SORL1: variants seen among roughly 807,000 people sequenced by gnomAD.
SORL1 encodes the protein sortilin related receptor 1, also known as sortilin-related receptor.
A neutral mutation model predicts 273.7 loss-of-function variants in SORL1; 127 were observed. The ratio of observed to expected loss-of-function variants is 0.46; its 90% CI spans 0.40 to 0.54. The LOEUF is 0.54. Among genes scored for constraint, SORL1 ranks in the 20% least tolerant of loss-of-function variants. SORL1 has a pLI of 0.00. For missense variants in SORL1, 2,494 were observed against 2,846.1 expected, an observed-to-expected ratio of 0.88 and a Z score of 2.81; for synonymous variants, 1,031 against 1,067.4, an observed-to-expected ratio of 0.97 and a Z score of 0.66.
chr11:121,464,906 G>T (rs1309031440), intron 1 of SORL1, among the ~76,000 whole-genome samples: 1 of 152,168 alleles, frequency 6.6e-6, no homozygotes, highest in African/African-American at 2.4e-5. Context: ...TAGCATGAGG[G>T]CTTGAGATGA....
chr11:121,556,326 C>T (rs1311379899), intron 18 of SORL1, among the ~76,000 whole-genome samples: 2 of 152,080 alleles, frequency 1.3e-5, no homozygotes, highest in Non-Finnish European at 1.5e-5. Context: ...AGTGTGATTG[C>T]GCTTTTGGAG....
In SORL1 at chr11:121,452,432, G is replaced by T; in HGVS notation, c.101G>T (p.Arg34Met). ...PGALCEVWTQ[R>M]LHGGSAPLPQ... ...GCTCTCTGCGAAGTCTGGACGCAGA[G>T]GCTGCACGGCGGCAGCGCGCCCTTG... The change falls in exon 1 of 48, where the codon AGG becomes ATG. Residue 34 changes from arginine to methionine, a missense_variant. Transcript: ENST00000260197. The surrounding 1 kb of genome is among the most constrained non-coding windows in gnomAD (Gnocchi z 5.3). The T allele has an allele frequency of 6.6e-7, 1 of 1,506,752 alleles. No individual in the cohort carries two copies. The allele number at this position is 1,506,752 out of a possible 1,614,324, so 93.3% of individuals were successfully genotyped here. A position where few individuals can be genotyped will look rare whatever the true frequency, so the allele number is the denominator to read the frequency against.
At chr11:121,497,161 G>T in intron 6 of SORL1, 112 bp downstream of exon 6, 1 of 869,968 alleles carries the variant, frequency 1.1e-6, no homozygotes, top group Non-Finnish European at 1.8e-6. Flanking sequence ...GGATGTGCTT[G>T]GGACAGATTG....
intron 38 of SORL1, 52 bp from the exon 39 acceptor site, chr11:121,611,024 T>G: frequency 8.1e-7 from 1 of 1,241,384 alleles, no homozygotes; most frequent in Non-Finnish European, 1.2e-6. Context: ...AGTCCTGCCT[T>G]CCTCACTTTT....
intron 40 of SORL1, 32 bp downstream of exon 40, chr11:121,612,864 A>C: frequency 6.7e-7 from 1 of 1,503,570 alleles, no homozygotes; most frequent in Non-Finnish European, 9.3e-7. Flanking sequence ...GTGTGTGTGC[A>C]GGAAGGGGTA....
intron 44 of SORL1, 35 bp from the exon 45 acceptor site, chr11:121,622,127 C>A (rs1316098069): frequency 8.8e-7 from 1 of 1,133,872 alleles, no homozygotes; most frequent in South Asian, 1.2e-5. Context: ...AATGTATATC[C>A]ACTAACCGCA....
chr11:121,566,160 A>G (rs1206041583), intron 21 of SORL1, among the ~76,000 whole-genome samples: 3 of 152,112 alleles, frequency 2.0e-5, no homozygotes, highest in Non-Finnish European at 4.4e-5. Context: ...GGAATGAATA[A>G]AGGAGCCCAA....
At chr11:121,575,309 A>G (rs1862911481) in intron 24 of SORL1, among the ~76,000 whole-genome samples, 1 of 152,244 alleles carries the variant, frequency 6.6e-6, no homozygotes, top group South Asian at 2.1e-4. Context: ...CCCTGGTCCC[A>G]GACTCATAGT....
Position 121,588,115 on chromosome 11 carries a change from G to T in SORL1, c.3910G>T (p.Asp1304Tyr). 2 of 1,613,792 alleles carry T rather than the reference G, an allele frequency of 1.2e-6. No homozygotes were observed. Among genetic ancestry groups the T allele is most frequent in the South Asian group, 2.2e-5 (2 of 91,040 alleles). ...CTGTGACGGAATCATCCAGTGCCGC[G>T]ACGGGTCCGATGAGGATGCGGCGTT... ...MVCDGIIQCR[D>Y]GSDEDAAFAG... The change falls in exon 28 of 48, where the codon GAC (aspartate) becomes TAC (tyrosine). Residue 1304 changes from aspartate to tyrosine, a missense_variant. By Grantham distance (160) the Asp-to-Tyr change is radical. Coordinates refer to ENST00000260197, the MANE Select transcript of SORL1 (RefSeq NM_003105.6).
Position 121,631,790 on chromosome 11 carries a change from C to G in SORL1, c.*2227C>G, listed in dbSNP as rs900920889. 6 of 152,258 alleles carry G rather than the reference C, an allele frequency of 3.9e-5. No homozygotes were observed. Among genetic ancestry groups the G allele is most frequent in the African/African-American group, 7.2e-5 (3 of 41,542 alleles). 9.4% of individuals were successfully genotyped at this position (152,258 alleles called of 1,614,324 possible). A position where few individuals can be genotyped will look rare whatever the true frequency, so the allele number is the denominator to read the frequency against. On this transcript the variant is annotated 3_prime_UTR_variant, in exon 48 of 48. Transcript: ENST00000260197. ...CACTGTGCTGTTTGAAAAAAAGCAGCCTTTTAGGGCTAGAGTATTTTATAT... is the reference window on the plus strand; with the variant it reads ...CACTGTGCTGTTTGAAAAAAAGCAGGCTTTTAGGGCTAGAGTATTTTATAT...
chr11:121,618,413 C>T (rs140245226), intron 41 of SORL1, among the ~76,000 whole-genome samples: 6 of 152,276 alleles, frequency 3.9e-5, no homozygotes, highest in African/African-American at 1.4e-4. Context: ...GGTAGAATGA[C>T]ACCCCCTCTT....
At position 121,554,650 on chromosome 11, in the gene SORL1, A is replaced by C. The variant is rs554914604; in HGVS notation, c.2440-537A>C. Among the ~76,000 whole-genome samples the C allele has an allele frequency of 6.6e-6, 1 of 152,358 alleles. No individual in the cohort carries two copies. Among genetic ancestry groups the C allele is most frequent in the Non-Finnish European group, 1.5e-5 (1 of 68,028 alleles). ...GTCTACTTAATCCTTTTAGAAAAGC[A>C]ATTCCAACAAATTTTTATCTAGATT... On this transcript the variant is annotated intron_variant, in intron 17 of 47. Transcript: ENST00000260197. The surrounding 1 kb of genome is among the most constrained non-coding windows in gnomAD (Gnocchi z 4.6).
At chr11:121,533,262 C>G (rs1862227290) in intron 12 of SORL1, among the ~76,000 whole-genome samples, 1 of 152,084 alleles carries the variant, frequency 6.6e-6, no homozygotes, top group Admixed American at 6.6e-5. Flanking sequence ...TCTCATGGAG[C>G]TGGAAGGGGT....
Position 121,627,552 on chromosome 11 carries a change from C to G in SORL1, c.6365-3C>G. 1 of 1,613,426 alleles carries G rather than the reference C, an allele frequency of 6.2e-7. No homozygotes were observed. ...CTTATTGGTGGGAACTTTGCCTTGG[C>G]AGGTGCAGATGCATCTGCAACGCAG... On this transcript the variant is annotated splice_polypyrimidine_tract_variant and splice_region_variant and intron_variant, in intron 46 of 47. Transcript: ENST00000260197. The surrounding 1 kb of genome is among the most constrained non-coding windows in gnomAD (Gnocchi z 4.9).
intron 12 of SORL1, among the ~76,000 whole-genome samples, chr11:121,543,223 C>A (rs112607792): frequency 6.6e-6 from 1 of 151,562 alleles, no homozygotes. Flanking sequence ...AAAAAAATTT[C>A]TCTTTTGCTC....
At chr11:121,506,435 A>G (rs1861788321) in intron 6 of SORL1, among the ~76,000 whole-genome samples, 1 of 152,182 alleles carries the variant, frequency 6.6e-6, no homozygotes, top group African/African-American at 2.4e-5. Context: ...CATGTCTTAC[A>G]TGGATGGCAG....
chr11:121,528,811 A>G (rs1862160550), intron 11 of SORL1, among the ~76,000 whole-genome samples: 1 of 152,194 alleles, frequency 6.6e-6, no homozygotes, highest in Non-Finnish European at 1.5e-5. Context: ...TGAATATATC[A>G]CGTGCACTGG....
At chr11:121,603,656 A>G (rs1177251189) in intron 32 of SORL1, among the ~76,000 whole-genome samples, 3 of 152,368 alleles carry the variant, frequency 2.0e-5, no homozygotes, top group African/African-American at 7.2e-5. Flanking sequence ...TACATAAAGT[A>G]TGCATGCCTC....
chr11:121,555,282 G>C lies in SORL1; in HGVS notation c.2535G>C (p.Leu845=), dbSNP rs536574300. Residue 845 remains leucine (L), a synonymous_variant, in exon 18 of 48, where the codon CTG becomes CTC. Transcript: ENST00000260197. ...TGGCTTTTGAACCCCTCAGCCAGCT[G>C]CTTTACTGGGTAGATGCAGGCTTCA... ...EALAFEPLSQ[L]LYWVDAGFKK... 3 of 1,614,100 alleles carry C rather than the reference G, an allele frequency of 1.9e-6. No homozygotes were observed. In the South Asian group the frequency reaches 3.3e-5, roughly 18 times the overall value.
Sources: gnomAD v4.1 joint callset for allele counts (sites outside exome capture counted in the v4.1 genomes callset) on GRCh38, gnomAD v4.1.1 for gene constraint, Gnocchi (gnomAD v3.1) non-coding constraint, MANE v1.5 for transcripts, NCBI Gene and HGNC (gene_info 2026-07-23, HGNC 2026-07-21) for gene names.